NETO1: variants seen among roughly 807,000 people sequenced by gnomAD.
NETO1 encodes the protein neuropilin and tolloid like 1, also known as neuropilin and tolloid-like protein 1.
NETO1 carries 26 observed loss-of-function variants against 61.3 expected under a neutral mutation model. The observed-to-expected ratio is 0.42, with a 90% CI of 0.31 to 0.59. NETO1 has a LOEUF of 0.59. Ranked by LOEUF, NETO1 falls within the 20% of genes least tolerant of loss-of-function variation. The pLI, the probability that NETO1 is intolerant of heterozygous loss-of-function variation, is 0.12. For synonymous variants in NETO1, 225 were observed against 225.8 expected (o/e 1.00, Z 0.03); for missense variants, 531 against 662.8 (o/e 0.80, Z 2.18).
chr18:72,786,275 G>A (rs1471572395), intron 6 of NETO1, among the ~76,000 whole-genome samples: 4 of 152,144 alleles, frequency 2.6e-5, no homozygotes, highest in East Asian at 1.9e-4. Context: ...TCTAAATTAT[G>A]ACATAAAAGG....
At chr18:72,802,821 T>G (rs2072552739) in intron 4 of NETO1, among the ~76,000 whole-genome samples, 1 of 152,224 alleles carries the variant, frequency 6.6e-6, no homozygotes, top group Admixed American at 6.5e-5. Context: ...AGAATTTTAC[T>G]TAACATCATC....
At chr18:72,805,902 C>G (rs1211486380) in intron 4 of NETO1, among the ~76,000 whole-genome samples, 1 of 152,022 alleles carries the variant, frequency 6.6e-6, no homozygotes, top group African/African-American at 2.4e-5. Flanking sequence ...GTTAAAAACA[C>G]AAATATGTTC....
intron 4 of NETO1, among the ~76,000 whole-genome samples, chr18:72,811,546 G>C (rs959509440): frequency 1.3e-5 from 2 of 152,180 alleles, no homozygotes; most frequent in African/African-American, 4.8e-5. Context: ...GCTCGTGCTT[G>C]TCATCCCACC....
At chr18:72,803,747 G>A (rs904192325) in intron 4 of NETO1, among the ~76,000 whole-genome samples, 1 of 150,376 alleles carries the variant, frequency 6.6e-6, no homozygotes, top group African/African-American at 2.5e-5. Flanking sequence ...CTTGAACCCG[G>A]GAGGTTGAGG....
At chr18:72,807,946 T>A (rs1475779823) in intron 4 of NETO1, among the ~76,000 whole-genome samples, 4 of 152,196 alleles carry the variant, frequency 2.6e-5, no homozygotes, top group Non-Finnish European at 5.9e-5. Context: ...TATTTGCTCA[T>A]CCTAAGTCAC....
chr18:72,824,694 G>A (rs8094730), intron 4 of NETO1, among the ~76,000 whole-genome samples: 44,329 of 145,554 alleles, frequency 0.3, 7,051 homozygotes, highest in Middle Eastern at 0.38. Flanking sequence ...GCGAAACCCC[G>A]TCTCTACTTA....
chr18:72,864,459 G>A (rs983121402), intron 3 of NETO1, among the ~76,000 whole-genome samples: 2 of 152,058 alleles, frequency 1.3e-5, no homozygotes, highest in African/African-American at 4.8e-5. Context: ...TAATTGTTGA[G>A]CTAAAAAAAT....
intron 9 of NETO1, among the ~76,000 whole-genome samples, chr18:72,749,640 A>C (rs2070525653): frequency 6.6e-6 from 1 of 152,166 alleles, no homozygotes; most frequent in Non-Finnish European, 1.5e-5. Flanking sequence ...TTGTCCATCA[A>C]GATGGGTGAG....
chr18:72,764,734 T>G (rs2071094648), intron 7 of NETO1, among the ~76,000 whole-genome samples: 1 of 152,182 alleles, frequency 6.6e-6, no homozygotes, highest in Admixed American at 6.5e-5. Flanking sequence ...AAAATGATTA[T>G]CACCCTCTTC....
At chr18:72,802,130 G>A (rs1473187964) in intron 4 of NETO1, among the ~76,000 whole-genome samples, 3 of 151,128 alleles carry the variant, frequency 2.0e-5, no homozygotes, top group Non-Finnish European at 2.9e-5. Context: ...CTGAAAGTTT[G>A]ATTGAAGAGT....
intron 6 of NETO1, 100 bp downstream of exon 6, chr18:72,794,017 T>A: frequency 6.8e-7 from 1 of 1,462,576 alleles, no homozygotes; most frequent in East Asian, 2.3e-5. Flanking sequence ...ATGGCTGCAC[T>A]CTGAAATGTA....
intron 7 of NETO1, among the ~76,000 whole-genome samples, chr18:72,782,624 G>A (rs2071781867): frequency 6.6e-6 from 1 of 151,916 alleles, no homozygotes. Flanking sequence ...GACCAACATG[G>A]AGAAACCCCA....
At chr18:72,758,303 C>A (rs966294358) in intron 7 of NETO1, among the ~76,000 whole-genome samples, 3 of 151,074 alleles carry the variant, frequency 2.0e-5, no homozygotes, top group African/African-American at 7.3e-5. Flanking sequence ...TTTTAACATG[C>A]TTTTTCACAT....
At chr18:72,768,823 G>C (rs1444440685) in intron 7 of NETO1, among the ~76,000 whole-genome samples, 3 of 152,198 alleles carry the variant, frequency 2.0e-5, no homozygotes, top group African/African-American at 7.2e-5. Context: ...CAGCCTTGCT[G>C]ACACCCTGGT....
chr18:72,864,064 C>A (rs1286600697), intron 3 of NETO1, among the ~76,000 whole-genome samples: 1 of 151,888 alleles, frequency 6.6e-6, no homozygotes, highest in Admixed American at 6.6e-5. Context: ...ACCAAAAATA[C>A]AAAAATTAGC....
intron 4 of NETO1, among the ~76,000 whole-genome samples, chr18:72,825,373 T>C (rs2073342040): frequency 6.6e-6 from 1 of 152,194 alleles, no homozygotes; most frequent in African/African-American, 2.4e-5. Context: ...GCAAAAAGTG[T>C]TGATAACCCT....
At chr18:72,766,155 G>A (rs1056280509) in intron 7 of NETO1, among the ~76,000 whole-genome samples, 6 of 151,680 alleles carry the variant, frequency 4.0e-5, no homozygotes, top group Non-Finnish European at 7.4e-5. Context: ...GCAGTGAGTC[G>A]AGATTGTGCC....
chr18:72,808,091 C>T (rs1440853996), intron 4 of NETO1, among the ~76,000 whole-genome samples: 1 of 152,184 alleles, frequency 6.6e-6, no homozygotes, highest in Non-Finnish European at 1.5e-5. Context: ...CCTCTTTTCT[C>T]AATTATGCCA....
In NETO1 at chr18:72,767,666, T is replaced by A. The variant is rs938123619; in HGVS notation, c.869-11519A>T. Among the ~76,000 whole-genome samples the A allele has an allele frequency of 3.9e-5, 6 of 152,106 alleles. No homozygotes were observed. In the South Asian group the frequency reaches 6.2e-4, roughly 16 times the overall value. On this transcript the variant is annotated intron_variant, in intron 7 of 10. Transcript: ENST00000327305. ...TAATTCATTTCAAATATTAGAATAC[T>A]TTTGACAGTTGTTTTCTTTATGGTG...
Sources: gnomAD v4.1 joint callset for allele counts (sites outside exome capture counted in the v4.1 genomes callset) on GRCh38, gnomAD v4.1.1 for gene constraint, MANE v1.5 for transcripts, NCBI Gene and HGNC (gene_info 2026-07-23, HGNC 2026-07-21) for gene names.